DYRK4: variants seen among roughly 807,000 people sequenced by gnomAD.
The protein encoded by DYRK4 is dual specificity tyrosine phosphorylation regulated kinase 4.
A neutral mutation model predicts 68.3 loss-of-function variants in DYRK4; 64 were observed. The ratio of observed to expected loss-of-function variants is 0.94; its 90% CI spans 0.77 to 1.15. DYRK4 has a LOEUF of 1.15. Ranked by LOEUF, DYRK4 falls within the 50% of genes most tolerant of loss-of-function variation. The pLI is 0.00. For missense variants in DYRK4, 740 were observed against 764.7 expected, an observed-to-expected ratio of 0.97 and a Z score of 0.38; for synonymous variants, 274 against 289.9, an observed-to-expected ratio of 0.95 and a Z score of 0.56.
intron 10 of DYRK4, among the ~76,000 whole-genome samples, chr12:4,600,286 GCTT>G (rs1235657182): frequency 6.6e-6 from 1 of 151,810 alleles, no homozygotes; most frequent in African/African-American, 2.4e-5. Flanking sequence ...TGTTCTTTCG[GCTT>G]CTATCAGGTT....
chr12:4,607,664 C>T (rs933125471), intron 12 of DYRK4, among the ~76,000 whole-genome samples: 5 of 152,162 alleles, frequency 3.3e-5, no homozygotes, highest in African/African-American at 1.2e-4. Context: ...ATATTGCAAC[C>T]TCAAAATATT....
At chr12:4,593,401 T>C (rs1453505872) in intron 6 of DYRK4, among the ~76,000 whole-genome samples, 1 of 152,156 alleles carries the variant, frequency 6.6e-6, no homozygotes, top group African/African-American at 2.4e-5. Context: ...CCAAGCATAG[T>C]TGGGGTAGCC....
intron 4 of DYRK4, chr12:4,590,642 C>A: frequency 2.6e-6 from 3 of 1,161,892 alleles, no homozygotes; most frequent in South Asian, 2.5e-5. Context: ...CAAAATGGGC[C>A]CTCTCTAGAG....
At chr12:4,611,240 G>A (rs1311974091) in intron 13 of DYRK4, among the ~76,000 whole-genome samples, 7 of 152,150 alleles carry the variant, frequency 4.6e-5, no homozygotes, top group Non-Finnish European at 1.0e-4. Context: ...TATTCCCATC[G>A]TAGGGGGTCA....
chr12:4,610,097 C>T, intron 12 of DYRK4, 58 bp from the exon 13 acceptor site: 1 of 1,493,038 alleles, frequency 6.7e-7, no homozygotes, highest in Non-Finnish European at 9.0e-7. Context: ...GCAGCAGCAT[C>T]ATGTGACCAC....
intron 1 of DYRK4, among the ~76,000 whole-genome samples, chr12:4,563,983 A>G (rs567403762): frequency 1.3e-5 from 2 of 152,314 alleles, no homozygotes; most frequent in South Asian, 4.1e-4. Context: ...GCATAGACAG[A>G]GTGATTGCCA....
intron 2 of DYRK4, among the ~76,000 whole-genome samples, chr12:4,579,189 A>G (rs1452018600): frequency 6.6e-6 from 1 of 152,110 alleles, no homozygotes; most frequent in Admixed American, 6.6e-5. Context: ...CAGGAGAATC[A>G]TTTGAACCTG....
intron 2 of DYRK4, 90 bp from the exon 3 acceptor site, chr12:4,588,847 C>A: frequency 7.8e-7 from 1 of 1,287,834 alleles, no homozygotes; most frequent in Non-Finnish European, 1.1e-6. Flanking sequence ...TGGCCTCAAG[C>A]ATAGTTTGTT....
intron 2 of DYRK4, among the ~76,000 whole-genome samples, chr12:4,581,558 G>A (rs1944842348): frequency 6.6e-6 from 1 of 152,186 alleles, no homozygotes; most frequent in Non-Finnish European, 1.5e-5. Flanking sequence ...CGGGGAGCAT[G>A]GGAGCACTTT....
At chr12:4,576,041 A>G (rs760023633) in intron 2 of DYRK4, among the ~76,000 whole-genome samples, 4 of 152,230 alleles carry the variant, frequency 2.6e-5, no homozygotes, top group Non-Finnish European at 5.9e-5. Flanking sequence ...GCTGATGTTC[A>G]TAGTTTACAT....
intron 2 of DYRK4, among the ~76,000 whole-genome samples, chr12:4,571,190 A>C (rs937293486): frequency 1.3e-5 from 2 of 152,222 alleles, no homozygotes; most frequent in Non-Finnish European, 2.9e-5. Context: ...GAAGCTGTTA[A>C]TTTAGGATAT....
chr12:4,596,503 G>T, intron 7 of DYRK4, 86 bp from the exon 8 acceptor site: 1 of 1,541,944 alleles, frequency 6.5e-7, no homozygotes, highest in South Asian at 1.3e-5. Flanking sequence ...TGGGGTCATG[G>T]GGAGGGGCTG....
intron 2 of DYRK4, among the ~76,000 whole-genome samples, chr12:4,585,734 A>G (rs1164822615): frequency 2.0e-5 from 3 of 152,262 alleles, no homozygotes; most frequent in Non-Finnish European, 4.4e-5. Flanking sequence ...ATATGTAACA[A>G]ACCTGCACGT....
chr12:4,605,789 G>T (rs368235680), intron 11 of DYRK4, among the ~76,000 whole-genome samples: 1 of 113,150 alleles, frequency 8.8e-6, no homozygotes, highest in East Asian at 2.9e-4. Context: ...GGTGAATAAT[G>T]CTTCTTGCTA....
At chr12:4,605,332 C>T (rs1283229537) in intron 11 of DYRK4, among the ~76,000 whole-genome samples, 2 of 152,164 alleles carry the variant, frequency 1.3e-5, no homozygotes, top group African/African-American at 4.8e-5. Flanking sequence ...TAAATAGTGA[C>T]ATTTTAAAAT....
Position 4,575,590 on chromosome 12 carries a change from TGA to T in DYRK4, c.132+7544_132+7545del, listed in dbSNP as rs200308783. Among the ~76,000 whole-genome samples the T allele has an allele frequency of 9.4e-3, 1,439 of 152,312 alleles. 7 individuals are homozygous for T. Among genetic ancestry groups the T allele is most frequent in the Non-Finnish European group, 0.012 (812 of 68,028 alleles). ...TCCCAAAGTGCTGGGATTACAGGCA[TGA>T]GCCACCGTGCCCAGCCAATTTATTG... is the stretch of plus-strand genomic sequence containing the variant. On this transcript the variant is annotated intron_variant, in intron 2 of 14. Coordinates refer to ENST00000543431, the MANE Select transcript of DYRK4 (RefSeq NM_001394779.1).
At chr12:4,599,524 G>A (rs755888315) in intron 9 of DYRK4, 183 bp from the exon 10 acceptor site, 56 of 581,798 alleles carry the variant, frequency 9.6e-5, no homozygotes, top group African/African-American at 1.5e-4. Context: ...AATGAGAAAC[G>A]CCGACCACAA....
At chr12:4,583,378 C>T (rs1944862897) in intron 2 of DYRK4, among the ~76,000 whole-genome samples, 1 of 151,954 alleles carries the variant, frequency 6.6e-6, no homozygotes, top group Non-Finnish European at 1.5e-5. Flanking sequence ...GCCATGTGAC[C>T]CAGTCCACGT....
intron 6 of DYRK4, among the ~76,000 whole-genome samples, chr12:4,595,322 A>C (rs1315434120): frequency 2.0e-5 from 3 of 152,186 alleles, no homozygotes; most frequent in Admixed American, 6.5e-5. Context: ...CAAACTCATG[A>C]GTGTAACACT....
Sources: gnomAD v4.1 joint callset for allele counts (sites outside exome capture counted in the v4.1 genomes callset) on GRCh38, gnomAD v4.1.1 for gene constraint, MANE v1.5 for transcripts, NCBI Gene and HGNC (gene_info 2026-07-23, HGNC 2026-07-21) for gene names.